The following CDK14 variants were observed in gnomAD, a reference collection of about 807,000 sequenced individuals.
CDK14 encodes the protein cyclin dependent kinase 14, also known as cyclin-dependent kinase 14.
CDK14 carries 34 observed loss-of-function variants against 60.7 expected under a neutral mutation model. The observed-to-expected ratio is 0.56, with a 90% confidence interval of 0.43 to 0.75. The LOEUF is 0.75. CDK14 is among the 30% of genes least tolerant of loss of function. The pLI, the probability that CDK14 is intolerant of heterozygous loss-of-function variation, is 0.00. For missense variants in CDK14, 482 were observed against 564.1 expected (o/e 0.85, Z 1.47); for synonymous variants, 197 against 203.7 (o/e 0.97, Z 0.28).
At chr7:90,610,016 A>G (rs923196709) in intron 2 of CDK14, among the ~76,000 whole-genome samples, 1 of 152,132 alleles carries the variant, frequency 6.6e-6, no homozygotes, top group Non-Finnish European at 1.5e-5. Flanking sequence ...AAAATATTAA[A>G]TCCCACTAAC....
At chr7:91,185,697 A>G (rs1241306795) in intron 14 of CDK14, among the ~76,000 whole-genome samples, 2 of 151,940 alleles carry the variant, frequency 1.3e-5, no homozygotes, top group Non-Finnish European at 2.9e-5. Context: ...CCTAAAATCT[A>G]CCCTTTAAAT....
chr7:90,811,516 A>G (rs1360463958), intron 5 of CDK14, among the ~76,000 whole-genome samples: 1 of 152,208 alleles, frequency 6.6e-6, no homozygotes. Context: ...TAAAAACCCT[A>G]GAAGAAAACC....
At chr7:90,958,724 C>A (rs1448631278) in intron 9 of CDK14, among the ~76,000 whole-genome samples, 1 of 152,078 alleles carries the variant, frequency 6.6e-6, no homozygotes, top group African/African-American at 2.4e-5. Flanking sequence ...ACTTAAGATT[C>A]TTGTGTTATG....
At chr7:90,852,560 A>G (rs1452457027) in intron 5 of CDK14, among the ~76,000 whole-genome samples, 2 of 152,174 alleles carry the variant, frequency 1.3e-5, no homozygotes, top group Admixed American at 6.5e-5. Flanking sequence ...AGTCTTTGCC[A>G]CCATATGGTT....
intron 7 of CDK14, among the ~76,000 whole-genome samples, chr7:90,906,641 A>T (rs1235925250): frequency 6.6e-6 from 1 of 152,018 alleles, no homozygotes; most frequent in Admixed American, 6.6e-5. Flanking sequence ...TTTTGTATAT[A>T]ATTGTGTATT....
intron 4 of CDK14, among the ~76,000 whole-genome samples, chr7:90,764,874 A>G (rs148196921): frequency 1.3e-5 from 2 of 152,342 alleles, no homozygotes; most frequent in Non-Finnish European, 2.9e-5. Context: ...ATCTGCAAGC[A>G]TTGTCTGAGC....
At chr7:91,149,561 C>T (rs1040814475) in intron 14 of CDK14, among the ~76,000 whole-genome samples, 3 of 152,168 alleles carry the variant, frequency 2.0e-5, no homozygotes, top group African/African-American at 2.4e-5. Context: ...AATCTTAGTG[C>T]CTTGTCAGAC....
chr7:90,707,278 G>T (rs1170248946), intron 2 of CDK14, among the ~76,000 whole-genome samples: 1 of 152,142 alleles, frequency 6.6e-6, no homozygotes, highest in East Asian at 1.9e-4. Context: ...TTATACTAGA[G>T]AATTCAGTAT....
At chr7:91,131,415 A>G (rs978062303) in intron 14 of CDK14, among the ~76,000 whole-genome samples, 1 of 152,174 alleles carries the variant, frequency 6.6e-6, no homozygotes, top group African/African-American at 2.4e-5. Flanking sequence ...TTTAAAGCCA[A>G]CGTGATATCC....
intron 5 of CDK14, among the ~76,000 whole-genome samples, chr7:90,813,418 T>C (rs1378504811): frequency 6.6e-6 from 1 of 152,200 alleles, no homozygotes; most frequent in African/African-American, 2.4e-5. Flanking sequence ...GGTTTTACCA[T>C]GGATAAATTA....
intron 4 of CDK14, among the ~76,000 whole-genome samples, chr7:90,769,704 C>T (rs1251502201): frequency 5.3e-5 from 8 of 152,022 alleles, no homozygotes; most frequent in Admixed American, 6.5e-5. Context: ...TGACCTCAGG[C>T]GATCCATCCA....
At chr7:91,042,766 A>T (rs994496010) in intron 10 of CDK14, among the ~76,000 whole-genome samples, 9 of 152,200 alleles carry the variant, frequency 5.9e-5, no homozygotes, top group African/African-American at 2.2e-4. Context: ...GCAAAAGATA[A>T]TTTTTGACTT....
At chr7:90,655,133 G>C (rs1258626856) in intron 2 of CDK14, among the ~76,000 whole-genome samples, 2 of 152,098 alleles carry the variant, frequency 1.3e-5, no homozygotes, top group Non-Finnish European at 1.5e-5. Context: ...TACACTTAAG[G>C]TTCCTCTATG....
intron 14 of CDK14, among the ~76,000 whole-genome samples, chr7:91,169,843 G>A (rs1858760): frequency 0.96 from 146,533 of 152,350 alleles, 70,499 homozygotes; most frequent in East Asian, 1. Context: ...ACCGTCCTAA[G>A]TATAAAGTTG....
intron 5 of CDK14, among the ~76,000 whole-genome samples, chr7:90,857,905 C>G (rs1790879389): frequency 6.6e-6 from 1 of 152,146 alleles, no homozygotes; most frequent in Non-Finnish European, 1.5e-5. Flanking sequence ...ATATCGTAGG[C>G]TGTTTTCTGT....
At chr7:91,113,356 G>T (rs997885417) in intron 13 of CDK14, among the ~76,000 whole-genome samples, 1 of 152,198 alleles carries the variant, frequency 6.6e-6, no homozygotes, top group Non-Finnish European at 1.5e-5. Flanking sequence ...ACATTCCTGG[G>T]TGGGTTTTGT....
At chr7:90,839,238 G>A (rs968790651) in intron 5 of CDK14, among the ~76,000 whole-genome samples, 1 of 152,152 alleles carries the variant, frequency 6.6e-6, no homozygotes, top group African/African-American at 2.4e-5. Flanking sequence ...TAAGAGGTGA[G>A]GAAATGAATC....
At chr7:91,185,043 A>G (rs887090436) in intron 14 of CDK14, among the ~76,000 whole-genome samples, 1 of 150,464 alleles carries the variant, frequency 6.6e-6, no homozygotes, top group Non-Finnish European at 1.5e-5. Flanking sequence ...TGTCATCTGT[A>G]TTTTAGGAAA....
intron 5 of CDK14, among the ~76,000 whole-genome samples, chr7:90,848,386 C>G (rs1790539060): frequency 6.6e-6 from 1 of 152,156 alleles, no homozygotes; most frequent in Non-Finnish European, 1.5e-5. Context: ...CTGGCCTGAG[C>G]CACAGTGCCC....
Sources: gnomAD v4.1 joint callset for allele counts (sites outside exome capture counted in the v4.1 genomes callset) on GRCh38, gnomAD v4.1.1 for gene constraint, MANE v1.5 for transcripts, NCBI Gene and HGNC (gene_info 2026-07-23, HGNC 2026-07-21) for gene names.